The following APBA2 variants were observed in gnomAD, a reference collection of about 807,000 sequenced individuals.
APBA2 encodes the protein amyloid-beta A4 precursor protein-binding family A member 2.
A neutral mutation model predicts 75.0 loss-of-function variants in APBA2; 30 were observed. The ratio of observed to expected loss-of-function variants is 0.40; its 90% confidence interval spans 0.30 to 0.54. The LOEUF (loss-of-function observed/expected upper bound fraction) is 0.54, where lower values mean the gene tolerates loss of function less well. Ranked by LOEUF, APBA2 falls within the 20% of genes least tolerant of loss-of-function variation. The pLI is 0.49. For synonymous variants in APBA2, 444 were observed against 409.6 expected, an observed-to-expected ratio of 1.08 and a Z score of -1.01; for missense variants, 801 against 1,016.1, an observed-to-expected ratio of 0.79 and a Z score of 2.88.
In APBA2 at chr15:28,957,718, G is replaced by A. The variant is rs376034043; in HGVS notation, c.-95+35969G>A. 6.0e-4 allele frequency among the ~76,000 whole-genome samples: 91 copies of A among 152,284 alleles called. 1 individual carries two copies. The South Asian group carries it at 0.016, about 27-fold the overall frequency. On this transcript the variant is annotated intron_variant, in intron 2 of 14. Coordinates refer to ENST00000683413, the MANE Select transcript of APBA2 (RefSeq NM_001353788.2). ...AGCAGGGGCTCTGTGGTGGGGAGGC[G>A]CGTGCCGAGGGCTGTAGGAGAGGGC...
At chr15:28,933,348 G>A (rs2034664439) in intron 2 of APBA2, among the ~76,000 whole-genome samples, 1 of 152,080 alleles carries the variant, frequency 6.6e-6, no homozygotes, top group African/African-American at 2.4e-5. Context: ...CACCATGTGA[G>A]GACAGAGTGA....
intron 11 of APBA2, among the ~76,000 whole-genome samples, chr15:29,105,819 A>G (rs777575578): frequency 1.1e-4 from 17 of 152,190 alleles, no homozygotes; most frequent in Non-Finnish European, 1.9e-4. Context: ...ATTATCATCA[A>G]CCAGCACTCA....
chr15:28,969,220 C>T (rs899932380), intron 2 of APBA2, among the ~76,000 whole-genome samples: 15 of 146,136 alleles, frequency 1.0e-4, no homozygotes, highest in East Asian at 2.0e-4. Context: ...CTCTCTCTGC[C>T]GGCCAGGCTG....
At chr15:28,926,808 G>A (rs1462785619) in intron 2 of APBA2, among the ~76,000 whole-genome samples, 1 of 147,598 alleles carries the variant, frequency 6.8e-6, no homozygotes, top group East Asian at 2.0e-4. Flanking sequence ...TAGGTTGGTG[G>A]TTTCTTCTTT....
rs572569715 is a variant in APBA2, at chr15:28,982,869, C to T, written c.-94-12884C>T. The stretch of plus-strand genomic sequence containing the variant: ...GCTCTATAGAAGGCGAATTAGAGAT[C>T]GCAATAACGGGCCAGCTTCCATGAT... On this transcript the variant is annotated intron_variant, in intron 2 of 14. Coordinates refer to ENST00000683413, the MANE Select transcript of APBA2 (RefSeq NM_001353788.2). Among the ~76,000 whole-genome samples, 19 of 152,160 alleles carry T rather than the reference C, an allele frequency of 1.2e-4. 1 individual carries two copies. The highest frequency in any genetic ancestry group is 2.1e-4 in the South Asian group (1 of 4,826).
chr15:29,001,662 G>A (rs2038854404), intron 3 of APBA2, among the ~76,000 whole-genome samples: 1 of 152,236 alleles, frequency 6.6e-6, no homozygotes, highest in African/African-American at 2.4e-5. Context: ...CCCTGGAAGA[G>A]GCAAAGAGAG....
At chr15:28,961,902 A>G (rs1403269243) in intron 2 of APBA2, among the ~76,000 whole-genome samples, 2 of 152,114 alleles carry the variant, frequency 1.3e-5, no homozygotes, top group Non-Finnish European at 2.9e-5. Flanking sequence ...TTTACTTCTC[A>G]GCTTGTTGCT....
At chr15:29,064,047 T>A (rs939940117) in intron 4 of APBA2, among the ~76,000 whole-genome samples, 2 of 152,134 alleles carry the variant, frequency 1.3e-5, no homozygotes, top group Admixed American at 1.3e-4. Flanking sequence ...TGCCTCTTTC[T>A]ACTCCAGAGT....
chr15:29,067,246 A>G (rs1302645898), intron 4 of APBA2, among the ~76,000 whole-genome samples: 1 of 152,212 alleles, frequency 6.6e-6, no homozygotes, highest in African/African-American at 2.4e-5. Context: ...AGATTTGGGC[A>G]GGGACAAATA....
chr15:28,911,045 G>A (rs1335260695), intron 1 of APBA2, among the ~76,000 whole-genome samples: 6 of 152,110 alleles, frequency 3.9e-5, no homozygotes, highest in Non-Finnish European at 5.9e-5. Flanking sequence ...ACATCTTCTA[G>A]GTTTTGCAGT....
chr15:28,925,499 C>T (rs1360043246), intron 2 of APBA2, among the ~76,000 whole-genome samples: 1 of 152,118 alleles, frequency 6.6e-6, no homozygotes, highest in African/African-American at 2.4e-5. Flanking sequence ...CTTCCTTTTA[C>T]TGATTTTTAG....
Position 29,075,004 on chromosome 15 carries a change from A to G in APBA2, c.1032+3A>G. The G allele has an allele frequency of 6.2e-7, 1 of 1,611,856 alleles. No homozygotes were observed. Among genetic ancestry groups the G allele is most frequent in the Non-Finnish European group, 8.5e-7 (1 of 1,178,486 alleles). Reference sequence around the variant, plus strand: ...TTGACAATAACAACATTCCAGAGGTAATTTTTTTCAAGGATGAGAGTTCTG... The same window carrying G: ...TTGACAATAACAACATTCCAGAGGTGATTTTTTTCAAGGATGAGAGTTCTG... On this transcript the variant is annotated splice_donor_region_variant and intron_variant, in intron 5 of 14. Coordinates refer to ENST00000683413, the MANE Select transcript of APBA2 (RefSeq NM_001353788.2).
intron 1 of APBA2, among the ~76,000 whole-genome samples, chr15:28,890,500 C>A (rs1346083487): frequency 6.6e-6 from 1 of 152,212 alleles, no homozygotes; most frequent in Non-Finnish European, 1.5e-5. Flanking sequence ...TCCCAGGGCT[C>A]CCAGCCACTC....
intron 3 of APBA2, among the ~76,000 whole-genome samples, chr15:29,007,341 G>A (rs1318342231): frequency 6.6e-6 from 1 of 152,168 alleles, no homozygotes; most frequent in Non-Finnish European, 1.5e-5. Context: ...CTTCTTGGAT[G>A]TGACACCAAA....
At position 29,105,557 on chromosome 15, in the gene APBA2, A is replaced by AG. The variant is rs1166070975; in HGVS notation, c.1704+1dup. ...TTCTCAAACTCGGAGAACTGCAAGGAGGTAAGCCACACCCACCAGCCTCAG... is the reference window on the plus strand; with the variant it reads ...TTCTCAAACTCGGAGAACTGCAAGGAGGGTAAGCCACACCCACCAGCCTCAG... On this transcript the variant is annotated frameshift_variant and splice_region_variant, in exon 11 of 15. Transcript: ENST00000683413. LOFTEE classifies it high-confidence loss of function. 6.2e-7 allele frequency: 1 copy of AG among 1,613,164 alleles called. No homozygotes were observed. Among genetic ancestry groups the AG allele is most frequent in the East Asian group, 2.2e-5 (1 of 44,878 alleles).
intron 3 of APBA2, among the ~76,000 whole-genome samples, chr15:29,035,005 T>C (rs2040673347): frequency 6.6e-6 from 1 of 152,208 alleles, no homozygotes; most frequent in South Asian, 2.1e-4. Flanking sequence ...ACCCACAGGC[T>C]CCCGGGGAGG....
intron 1 of APBA2, among the ~76,000 whole-genome samples, chr15:28,898,058 C>T (rs1025592147): frequency 1.3e-5 from 2 of 152,122 alleles, no homozygotes; most frequent in East Asian, 1.9e-4. Flanking sequence ...GCTCAGGGAG[C>T]ACCGGCAGCT....
chr15:29,015,718 G>C (rs1192169582), intron 3 of APBA2, among the ~76,000 whole-genome samples: 1 of 152,216 alleles, frequency 6.6e-6, no homozygotes, highest in Non-Finnish European at 1.5e-5. Flanking sequence ...TTGGAAACTT[G>C]CTTGCTCAGT....
intron 2 of APBA2, among the ~76,000 whole-genome samples, chr15:28,950,278 G>A (rs1437002797): frequency 1.3e-5 from 2 of 152,092 alleles, no homozygotes; most frequent in Non-Finnish European, 1.5e-5. Context: ...CATAACTATC[G>A]ATGTTGACCC....
Sources: allele counts gnomAD v4.1 joint callset (sites outside exome capture counted in the v4.1 genomes callset), GRCh38; gene constraint gnomAD v4.1.1; transcripts MANE v1.5; gene names NCBI Gene and HGNC (gene_info 2026-07-23, HGNC 2026-07-21).